The following KLHL1 variants were observed in gnomAD, a reference collection of about 807,000 sequenced individuals.
KLHL1 encodes the protein kelch like family member 1.
In KLHL1, 47 loss-of-function variants were observed where a neutral mutation model predicts 77.7. That is an observed-to-expected ratio of 0.60 (90% CI 0.48 to 0.77). The LOEUF is 0.77. KLHL1 is among the 30% of genes least tolerant of loss of function. The pLI is 0.00. For missense variants in KLHL1, 925 were observed against 910.8 expected (o/e 1.02, Z -0.20); for synonymous variants, 360 against 325.2 (o/e 1.11, Z -1.15).
At chr13:69,950,512 A>C (rs1268153793) in intron 3 of KLHL1, among the ~76,000 whole-genome samples, 1 of 151,550 alleles carries the variant, frequency 6.6e-6, no homozygotes, top group Non-Finnish European at 1.5e-5. Flanking sequence ...ATTTCCATGG[A>C]GTTTAACCTA....
chr13:69,900,972 C>T (rs965677200), intron 4 of KLHL1, among the ~76,000 whole-genome samples: 6 of 152,144 alleles, frequency 3.9e-5, no homozygotes, highest in Admixed American at 1.3e-4. Flanking sequence ...AACCTTGGTC[C>T]ATTAGCTTTG....
chr13:70,016,120 A>C (rs1047381106), intron 1 of KLHL1, among the ~76,000 whole-genome samples: 9 of 152,254 alleles, frequency 5.9e-5, no homozygotes, highest in Admixed American at 5.9e-4. Flanking sequence ...ACCCTCAAAA[A>C]CATAGGCCAG....
chr13:69,732,665 T>C (rs897499169), intron 8 of KLHL1, among the ~76,000 whole-genome samples: 3 of 151,956 alleles, frequency 2.0e-5, no homozygotes, highest in African/African-American at 7.3e-5. Flanking sequence ...GCTTTTTTTT[T>C]TTTCCTGTGA....
chr13:69,888,047 CTA>C (rs2138204232), intron 4 of KLHL1, among the ~76,000 whole-genome samples: 1 of 152,238 alleles, frequency 6.6e-6, no homozygotes, highest in East Asian at 1.9e-4. Flanking sequence ...GCTCACAGTT[CTA>C]GAGACTGGAA....
chr13:70,046,803 C>T (rs1180785513), intron 1 of KLHL1, among the ~76,000 whole-genome samples: 2 of 152,084 alleles, frequency 1.3e-5, no homozygotes, highest in African/African-American at 4.8e-5. Context: ...CCCTTACACC[C>T]GGCCTCTAGC....
At chr13:69,988,554 T>G (rs1057142394) in intron 1 of KLHL1, among the ~76,000 whole-genome samples, 4 of 152,136 alleles carry the variant, frequency 2.6e-5, no homozygotes, top group East Asian at 1.9e-4. Flanking sequence ...CCGCAACAGA[T>G]GAAGTAATTT....
At chr13:69,763,046 T>G (rs531117378) in intron 7 of KLHL1, among the ~76,000 whole-genome samples, 1 of 152,106 alleles carries the variant, frequency 6.6e-6, no homozygotes. Flanking sequence ...GGGCATCCTT[T>G]GTTAGGTTTC....
Position 69,975,790 on chromosome 13 carries a change from G to C in KLHL1, c.510C>G (p.Thr170=), listed in dbSNP as rs369830875. Residue 170 remains threonine (T), a synonymous_variant, in exon 2 of 11, where the codon ACC becomes ACG. Coordinates refer to ENST00000377844, the MANE Select transcript of KLHL1 (RefSeq NM_020866.3). ...CACTTTGAGGTGTCATTGAATGGCC[G>C]GTTGATGACAGCCTATAAACCACAC... The part of the protein sequence containing the change: ...GEGCGHRLSS[T]GHSMTPQSDL... The C allele has an allele frequency of 6.2e-7, 1 of 1,606,430 alleles. No individual in the cohort carries two copies. Among genetic ancestry groups the C allele is most frequent in the Admixed American group, 1.7e-5 (1 of 58,036 alleles).
intron 4 of KLHL1, among the ~76,000 whole-genome samples, chr13:69,900,141 G>A (rs113390517): frequency 0.059 from 8,926 of 152,124 alleles, 331 homozygotes; most frequent in African/African-American, 0.094. Context: ...CTCTGGATAT[G>A]GGTTTGCCTC....
chr13:70,052,868 T>C (rs1200239146), intron 1 of KLHL1, among the ~76,000 whole-genome samples: 1 of 152,130 alleles, frequency 6.6e-6, no homozygotes, highest in African/African-American at 2.4e-5. Flanking sequence ...TTGAATATTA[T>C]CTTCTAAATA....
intron 1 of KLHL1, among the ~76,000 whole-genome samples, chr13:70,100,399 A>T (rs73214656): frequency 0.22 from 33,787 of 152,004 alleles, 3,981 homozygotes; most frequent in Admixed American, 0.29. Context: ...AGCTTGCTAC[A>T]TTTTTTTGTC....
Position 69,718,186 on chromosome 13 carries a change from C to G in KLHL1, c.2015+1183G>C, listed in dbSNP as rs151272150. Among the ~76,000 whole-genome samples, 304 of 152,234 alleles carry G rather than the reference C, an allele frequency of 2.0e-3. 1 individual carries two copies. The highest frequency in any genetic ancestry group is 7.0e-3 in the African/African-American group (289 of 41,566). ...TCCTAACATAAAAAGGAAAATTTTT[C>G]TGCTGTCAGTGCTATCAGCTAAACA... is the stretch of plus-strand genomic sequence containing the variant. On this transcript the variant is annotated intron_variant, in intron 9 of 10. Coordinates refer to ENST00000377844, the MANE Select transcript of KLHL1 (RefSeq NM_020866.3).
chr13:70,078,879 T>C (rs1203562420), intron 1 of KLHL1, among the ~76,000 whole-genome samples: 1 of 152,196 alleles, frequency 6.6e-6, no homozygotes, highest in Non-Finnish European at 1.5e-5. Context: ...AGTGAATATG[T>C]TGAAATGAAC....
chr13:69,781,159 G>A (rs1876169558), intron 7 of KLHL1, among the ~76,000 whole-genome samples: 1 of 151,882 alleles, frequency 6.6e-6, no homozygotes, highest in South Asian at 2.1e-4. Flanking sequence ...TACTGACTAT[G>A]TCTCCCATAA....
intron 8 of KLHL1, among the ~76,000 whole-genome samples, chr13:69,729,005 T>G (rs1234931561): frequency 6.6e-6 from 1 of 151,954 alleles, no homozygotes; most frequent in Non-Finnish European, 1.5e-5. Flanking sequence ...GCTAAGAAAA[T>G]TTTTTAAAAA....
At chr13:69,754,447 T>C (rs1296620586) in intron 7 of KLHL1, among the ~76,000 whole-genome samples, 1 of 152,172 alleles carries the variant, frequency 6.6e-6, no homozygotes, top group African/African-American at 2.4e-5. Context: ...CTACCAAACA[T>C]TTGAAGCTCA....
At chr13:70,101,106 A>G (rs2137454528) in intron 1 of KLHL1, among the ~76,000 whole-genome samples, 1 of 152,326 alleles carries the variant, frequency 6.6e-6, no homozygotes, top group African/African-American at 2.4e-5. Flanking sequence ...AAACACAAAT[A>G]TCTGATTAAT....
At chr13:69,734,093 T>C (rs1873668161) in intron 8 of KLHL1, among the ~76,000 whole-genome samples, 1 of 151,926 alleles carries the variant, frequency 6.6e-6, no homozygotes, top group South Asian at 2.1e-4. Context: ...GTGGGGGTAA[T>C]TGGGTCATGG....
intron 4 of KLHL1, among the ~76,000 whole-genome samples, chr13:69,883,969 C>T (rs1593916025): frequency 6.6e-6 from 1 of 152,108 alleles, no homozygotes; most frequent in Admixed American, 6.6e-5. Flanking sequence ...AGCCACAGGA[C>T]ACATATTTTA....
Sources: gnomAD v4.1 joint callset for allele counts (sites outside exome capture counted in the v4.1 genomes callset) on GRCh38, gnomAD v4.1.1 for gene constraint, MANE v1.5 for transcripts, NCBI Gene and HGNC (gene_info 2026-07-23, HGNC 2026-07-21) for gene names.